FBLN5: variants seen among roughly 807,000 people sequenced by gnomAD.
FBLN5 encodes the protein fibulin 5.
A neutral mutation model predicts 61.6 loss-of-function variants in FBLN5; 24 were observed. The observed-to-expected ratio is 0.39, with a 90% CI of 0.28 to 0.55. The LOEUF is 0.55. FBLN5 is among the 20% of genes least tolerant of loss of function. The pLI, the probability that FBLN5 is intolerant of heterozygous loss-of-function variation, is 0.65. For synonymous variants in FBLN5, 213 were observed against 219.8 expected (o/e 0.97, Z 0.27); for missense variants, 470 against 594.1 (o/e 0.79, Z 2.17).
Position 91,947,381 on chromosome 14 carries a change from G to A in FBLN5, c.-152C>T, listed in dbSNP as rs139387007. 3.8e-3 allele frequency: 3,250 copies of A among 845,374 alleles called. 76 individuals are homozygous for A. Among genetic ancestry groups the A allele is most frequent in the South Asian group, 0.03 (2,083 of 69,758 alleles). The allele number at this position is 845,374 out of a possible 1,614,324, so 52.4% of individuals were successfully genotyped here. On this transcript the variant is annotated 5_prime_UTR_variant, in exon 1 of 11. Transcript: ENST00000342058. The surrounding 1 kb of genome is among the most constrained non-coding windows in gnomAD (Gnocchi z 4.3). ...GCCGAGCGAGTCGTGGAGAGGACACGGGGAGAGCGCCGGGGTCCTCCCAGC... is the reference window on the plus strand; with the variant it reads ...GCCGAGCGAGTCGTGGAGAGGACACAGGGAGAGCGCCGGGGTCCTCCCAGC...
At position 91,887,388 on chromosome 14, in the gene FBLN5, G is replaced by C. The variant is rs1360821497; in HGVS notation, c.620-76C>G. 6.0e-6 allele frequency: 9 copies of C among 1,501,984 alleles called. No individual in the cohort carries two copies. The East Asian group carries it at 1.8e-4, about 30-fold the overall frequency. 93.0% of individuals were successfully genotyped at this position (1,501,984 alleles called of 1,614,324 possible). On this transcript the variant is annotated intron_variant, in intron 6 of 10. Coordinates refer to ENST00000342058, the MANE Select transcript of FBLN5 (RefSeq NM_006329.4). ...CAATAACTAGGCAGAAAAAGCACCA[G>C]CAACGAAATCTACCACCACCAGGAG...
chr14:91,937,321 C>T, intron 3 of FBLN5, 120 bp from the exon 4 acceptor site: 1 of 1,310,124 alleles, frequency 7.6e-7, no homozygotes, highest in Non-Finnish European at 1.1e-6. Flanking sequence ...TAGGGTGGTC[C>T]CAACTCATCG....
At chr14:91,871,492 A>G (rs1888925289) in intron 10 of FBLN5, among the ~76,000 whole-genome samples, 1 of 152,196 alleles carries the variant, frequency 6.6e-6, no homozygotes, top group Admixed American at 6.5e-5. Context: ...GCAGAGAGGA[A>G]TGACATCAAC....
intron 4 of FBLN5, among the ~76,000 whole-genome samples, chr14:91,921,559 C>T (rs1245911078): frequency 6.6e-6 from 1 of 152,172 alleles, no homozygotes; most frequent in African/African-American, 2.4e-5. Context: ...AAGACCCCAC[C>T]CCAGACCTAC....
Position 91,898,459 on chromosome 14 carries a change from G to C in FBLN5, c.380-3387C>G, listed in dbSNP as rs7145130. Among the ~76,000 whole-genome samples, 902 of 152,110 alleles carry C rather than the reference G, an allele frequency of 5.9e-3. 15 individuals are homozygous for C. Among genetic ancestry groups the C allele is most frequent in the African/African-American group, 0.021 (854 of 41,458 alleles). On this transcript the variant is annotated intron_variant, in intron 4 of 10. Transcript: ENST00000342058. ...ACACCTGATGGAGCTAAAACTGGAA[G>C]TGTTCACACGGTGGGCTTTCTCGGG...
At chr14:91,941,763 T>C (rs1403827639) in intron 2 of FBLN5, among the ~76,000 whole-genome samples, 3 of 120,462 alleles carry the variant, frequency 2.5e-5, no homozygotes, top group Non-Finnish European at 5.4e-5. Context: ...TATGCCTCAG[T>C]TTCCCCATCT....
chr14:91,883,956 G>A (rs962507250), intron 7 of FBLN5, among the ~76,000 whole-genome samples: 1 of 151,512 alleles, frequency 6.6e-6, no homozygotes, highest in African/African-American at 2.4e-5. Flanking sequence ...CAGAGCCCCT[G>A]TTTGAGCCTC....
intron 4 of FBLN5, among the ~76,000 whole-genome samples, chr14:91,903,525 T>A (rs914023495): frequency 6.6e-6 from 1 of 152,226 alleles, no homozygotes; most frequent in African/African-American, 2.4e-5. Context: ...CTGTGGATCC[T>A]GACTCCTGTA....
chr14:91,879,911 T>C (rs1461359059), intron 9 of FBLN5, among the ~76,000 whole-genome samples: 1 of 152,168 alleles, frequency 6.6e-6, no homozygotes, highest in African/African-American at 2.4e-5. Flanking sequence ...GGGAAGTCGA[T>C]GTGTGAACAT....
At chr14:91,946,572 T>C (rs1156682758) in intron 1 of FBLN5, 1 of 700,110 alleles carries the variant, frequency 1.4e-6, no homozygotes, top group Non-Finnish European at 2.5e-6. Context: ...CACACAAGGT[T>C]AATTTGTTCA....
rs565197365 is a variant in FBLN5 at position 91,905,300 on chromosome 14, C to T, written c.380-10228G>A. Among the ~76,000 whole-genome samples, 56 of 152,258 alleles carry T rather than the reference C, an allele frequency of 3.7e-4. 1 individual carries two copies. The highest frequency in any genetic ancestry group is 1.3e-3 in the African/African-American group (53 of 41,530). ...TCTAAAATGGAACTCCTATCACCTGCCCCCCTAGAGCTTGCAGGCAAGAGA... is the reference window on the plus strand; with the variant it reads ...TCTAAAATGGAACTCCTATCACCTGTCCCCCTAGAGCTTGCAGGCAAGAGA... On this transcript the variant is annotated intron_variant, in intron 4 of 10. Transcript: ENST00000342058.
At chr14:91,893,395 T>C (rs1175705074) in intron 5 of FBLN5, among the ~76,000 whole-genome samples, 1 of 152,200 alleles carries the variant, frequency 6.6e-6, no homozygotes, top group Non-Finnish European at 1.5e-5. Context: ...TGTGCAAGCC[T>C]GGAAAGGAGA....
At chr14:91,904,642 G>A (rs1322633534) in intron 4 of FBLN5, among the ~76,000 whole-genome samples, 3 of 152,224 alleles carry the variant, frequency 2.0e-5, no homozygotes, top group Non-Finnish European at 1.5e-5. Flanking sequence ...TCAGGTTCTG[G>A]TGGGAGCCCT....
chr14:91,906,505 G>T (rs1415057468), intron 4 of FBLN5, among the ~76,000 whole-genome samples: 1 of 152,220 alleles, frequency 6.6e-6, no homozygotes. Context: ...CCCACAAACA[G>T]TGCAGGGCTG....
At chr14:91,928,566 G>A (rs953539466) in intron 4 of FBLN5, among the ~76,000 whole-genome samples, 6 of 150,862 alleles carry the variant, frequency 4.0e-5, no homozygotes, top group Non-Finnish European at 4.4e-5. Context: ...GAGCCCAGGA[G>A]TTAGAGACTA....
intron 6 of FBLN5, among the ~76,000 whole-genome samples, chr14:91,889,289 C>T (rs533417124): frequency 1.3e-5 from 2 of 152,324 alleles, no homozygotes; most frequent in East Asian, 3.9e-4. Flanking sequence ...AGGCGCTGGC[C>T]ACTCGGAGGT....
At chr14:91,940,637 G>A in intron 2 of FBLN5, 21 bp from the exon 3 acceptor site, 3 of 1,611,658 alleles carry the variant, frequency 1.9e-6, no homozygotes, top group Non-Finnish European at 2.5e-6. Context: ...GGAGAGAGGA[G>A]AAACAGGCAA....
At chr14:91,872,336 G>A (rs139876047) in intron 10 of FBLN5, among the ~76,000 whole-genome samples, 20 of 152,226 alleles carry the variant, frequency 1.3e-4, no homozygotes, top group Admixed American at 5.9e-4. Context: ...AGAGATGCTC[G>A]CGGTCAGTGC....
intron 10 of FBLN5, among the ~76,000 whole-genome samples, chr14:91,875,917 G>C (rs929332517): frequency 6.6e-6 from 1 of 152,208 alleles, no homozygotes; most frequent in South Asian, 2.1e-4. Context: ...GGGAATTGAC[G>C]TGAGATGTAA....
Sources: gnomAD v4.1 joint callset for allele counts (sites outside exome capture counted in the v4.1 genomes callset) on GRCh38, gnomAD v4.1.1 for gene constraint, Gnocchi (gnomAD v3.1) non-coding constraint, MANE v1.5 for transcripts, NCBI Gene and HGNC (gene_info 2026-07-23, HGNC 2026-07-21) for gene names.